DPP10: variants seen among roughly 807,000 people sequenced by gnomAD.
The protein encoded by DPP10 is dipeptidyl peptidase like 10, also known as inactive dipeptidyl peptidase 10.
DPP10 carries 33 observed loss-of-function variants against 120.9 expected under a neutral mutation model. The ratio of observed to expected loss-of-function variants is 0.27; its 90% CI spans 0.21 to 0.37. DPP10 has a LOEUF of 0.37. Ranked by LOEUF, DPP10 falls within the 10% of genes least tolerant of loss-of-function variation. The pLI, the probability that DPP10 is intolerant of heterozygous loss-of-function variation, is 1.00. For missense variants in DPP10, 816 were observed against 942.8 expected, an observed-to-expected ratio of 0.87 and a Z score of 1.76; for synonymous variants, 337 against 326.1, an observed-to-expected ratio of 1.03 and a Z score of -0.36.
chr2:115,667,589 TA>T (rs1389405328), intron 5 of DPP10, among the ~76,000 whole-genome samples: 1 of 152,136 alleles, frequency 6.6e-6, no homozygotes, highest in Non-Finnish European at 1.5e-5. Context: ...CACCATTTAT[TA>T]AAAAGGGAGT....
chr2:115,542,765 T>C (rs1489717548), intron 5 of DPP10, among the ~76,000 whole-genome samples: 2 of 151,830 alleles, frequency 1.3e-5, no homozygotes, highest in African/African-American at 4.8e-5. Context: ...TTGTGGTAAC[T>C]GCAGTAACTG....
chr2:115,420,080 G>T (rs1186535776), intron 3 of DPP10, among the ~76,000 whole-genome samples: 1 of 152,142 alleles, frequency 6.6e-6, no homozygotes, highest in East Asian at 1.9e-4. Context: ...TAAAGATGAG[G>T]CTTTGAAATT....
intron 1 of DPP10, among the ~76,000 whole-genome samples, chr2:114,680,833 A>G (rs1216904685): frequency 6.6e-6 from 1 of 151,974 alleles, no homozygotes; most frequent in Non-Finnish European, 1.5e-5. Flanking sequence ...GTCAGGACCT[A>G]GAAAAACCAT....
chr2:114,495,869 CTG>C (rs917615371), intron 1 of DPP10, among the ~76,000 whole-genome samples: 28 of 152,270 alleles, frequency 1.8e-4, no homozygotes, highest in African/African-American at 4.8e-4. Flanking sequence ...CAAATGCTAA[CTG>C]AATATATAGA....
chr2:115,329,213 C>T (rs189814291), intron 2 of DPP10, among the ~76,000 whole-genome samples: 40 of 152,024 alleles, frequency 2.6e-4, no homozygotes, highest in South Asian at 8.3e-4. Context: ...AATACAGGCA[C>T]AGTTTGGTCT....
chr2:114,550,374 A>C (rs1687786030), intron 1 of DPP10, among the ~76,000 whole-genome samples: 1 of 152,246 alleles, frequency 6.6e-6, no homozygotes, highest in Admixed American at 6.5e-5. Flanking sequence ...TCCTCAAATA[A>C]CCTTGGGTGA....
intron 7 of DPP10, among the ~76,000 whole-genome samples, chr2:115,697,646 G>T (rs563099358): frequency 2.0e-5 from 3 of 151,574 alleles, no homozygotes; most frequent in East Asian, 3.9e-4. Flanking sequence ...CTCAATAATG[G>T]CTAGAAAAAC....
At chr2:115,079,752 C>T (rs1017803528) in intron 1 of DPP10, among the ~76,000 whole-genome samples, 1 of 152,120 alleles carries the variant, frequency 6.6e-6, no homozygotes, top group East Asian at 1.9e-4. Flanking sequence ...AGTACTAAAT[C>T]GCAAAGGCCT....
At chr2:115,415,638 A>G (rs1243824877) in intron 3 of DPP10, among the ~76,000 whole-genome samples, 4 of 151,896 alleles carry the variant, frequency 2.6e-5, no homozygotes, top group African/African-American at 7.2e-5. Context: ...GTTCTCAAAT[A>G]TATGACCTTC....
chr2:114,895,174 C>A (rs1692862409), intron 1 of DPP10, among the ~76,000 whole-genome samples: 1 of 152,044 alleles, frequency 6.6e-6, no homozygotes, highest in African/African-American at 2.4e-5. Flanking sequence ...ACTAAAGGGA[C>A]TGAAAATGAC....
At chr2:115,650,244 C>T (rs553390343) in intron 5 of DPP10, among the ~76,000 whole-genome samples, 1 of 152,164 alleles carries the variant, frequency 6.6e-6, no homozygotes, top group Non-Finnish European at 1.5e-5. Context: ...CTTTTAATCA[C>T]TTCAACTTGA....
intron 1 of DPP10, among the ~76,000 whole-genome samples, chr2:114,671,749 G>A (rs965653968): frequency 2.0e-5 from 3 of 152,022 alleles, no homozygotes; most frequent in Non-Finnish European, 4.4e-5. Flanking sequence ...GCTGGGTTGT[G>A]TTACAGGTAT....
chr2:115,431,186 T>A (rs2070943094), intron 3 of DPP10, among the ~76,000 whole-genome samples: 2 of 152,190 alleles, frequency 1.3e-5, no homozygotes, highest in South Asian at 4.1e-4. Flanking sequence ...AGGCAGTTTG[T>A]CCTGACCAGA....
At chr2:114,587,939 G>A (rs996135) in intron 1 of DPP10, among the ~76,000 whole-genome samples, 40,152 of 152,084 alleles carry the variant, frequency 0.26, 5,380 homozygotes, top group Non-Finnish European at 0.28. Context: ...ATTACATGAA[G>A]GTTACAGGCC....
intron 1 of DPP10, among the ~76,000 whole-genome samples, chr2:114,510,890 A>G (rs538375336): frequency 6.1e-4 from 93 of 152,362 alleles, no homozygotes; most frequent in African/African-American, 2.2e-3. Context: ...TAAATATCAC[A>G]GACTTATTTG....
intron 5 of DPP10, among the ~76,000 whole-genome samples, chr2:115,680,892 A>G (rs1198218072): frequency 6.6e-6 from 1 of 151,978 alleles, no homozygotes; most frequent in Admixed American, 6.6e-5. Context: ...AACAGGAAAA[A>G]GACACTGATA....
At chr2:115,827,095 C>T (rs1559208655) in intron 21 of DPP10, among the ~76,000 whole-genome samples, 3 of 151,712 alleles carry the variant, frequency 2.0e-5, no homozygotes, top group African/African-American at 7.3e-5. Flanking sequence ...ATTAAAAGAG[C>T]ATTTTTTATA....
At chr2:115,419,462 C>A (rs1234574226) in intron 3 of DPP10, among the ~76,000 whole-genome samples, 1 of 151,978 alleles carries the variant, frequency 6.6e-6, no homozygotes, top group African/African-American at 2.4e-5. Flanking sequence ...TATTTTATAA[C>A]CTGATTTCTA....
chr2:114,965,420 T>A (rs1471632343), intron 1 of DPP10, among the ~76,000 whole-genome samples: 1 of 151,996 alleles, frequency 6.6e-6, no homozygotes, highest in East Asian at 1.9e-4. Flanking sequence ...ACAAGCCTGA[T>A]CCACCGTGCC....
Sources: allele counts gnomAD v4.1 joint callset (sites outside exome capture counted in the v4.1 genomes callset), GRCh38; gene constraint gnomAD v4.1.1; transcripts MANE v1.5; gene names NCBI Gene and HGNC (gene_info 2026-07-23, HGNC 2026-07-21).